The following GABRR3 variants were observed in gnomAD, a reference collection of about 807,000 sequenced individuals.
GABRR3 encodes the protein gamma-aminobutyric acid type A receptor subunit rho3.
In GABRR3, 29 loss-of-function variants were observed where a neutral mutation model predicts 43.2. That is an observed-to-expected ratio of 0.67 (90% CI 0.50 to 0.92). The LOEUF (loss-of-function observed/expected upper bound fraction) is 0.92. GABRR3 is among the 40% of genes least tolerant of loss of function. The pLI, the probability that GABRR3 is intolerant of heterozygous loss-of-function variation, is 0.00. For synonymous variants in GABRR3, 206 were observed against 195.9 expected (o/e 1.05, Z -0.43); for missense variants, 576 against 572.3 (o/e 1.01, Z -0.07).
At chr3:97,986,728 A>G (rs770155478) in exon 10 of GABRR3, 1 of 1,580,724 alleles carries the variant, frequency 6.3e-7, no homozygotes, top group South Asian at 1.1e-5. Context: ...AAATATACAC[A>G]ATGGGGAATA....
At chr3:97,989,714 G>A (rs757054991) in intron 9 of GABRR3, among the ~76,000 whole-genome samples, 6 of 152,080 alleles carry the variant, frequency 3.9e-5, no homozygotes, top group East Asian at 1.9e-4. Flanking sequence ...TTTGGTGTCC[G>A]CATTGGTGTC....
At chr3:98,029,405 CA>C (rs2107251852) in intron 2 of GABRR3, among the ~76,000 whole-genome samples, 1 of 152,142 alleles carries the variant, frequency 6.6e-6, no homozygotes, top group South Asian at 2.1e-4. Flanking sequence ...TGAGTGGTCT[CA>C]GGGGGACTAA....
intron 2 of GABRR3, among the ~76,000 whole-genome samples, chr3:98,027,870 C>A (rs1184682484): frequency 6.6e-6 from 1 of 151,954 alleles, no homozygotes; most frequent in African/African-American, 2.4e-5. Flanking sequence ...TCCAGTGAAT[C>A]TAAATATACA....
chr3:97,995,912 T>C (rs1410332992), intron 8 of GABRR3, among the ~76,000 whole-genome samples: 1 of 152,260 alleles, frequency 6.6e-6, no homozygotes, highest in East Asian at 1.9e-4. Flanking sequence ...ACTACTGATG[T>C]TGCTACGCAT....
chr3:98,025,579 G>A (rs1429051735), exon 3 of GABRR3: 1 of 1,608,232 alleles, frequency 6.2e-7, no homozygotes. Context: ...CCAAATCCAG[G>A]TCTCATTGCG....
intron 7 of GABRR3, among the ~76,000 whole-genome samples, chr3:98,007,108 A>G (rs1200688611): frequency 1.3e-5 from 2 of 152,178 alleles, no homozygotes; most frequent in African/African-American, 2.4e-5. Flanking sequence ...AAATAAACGC[A>G]TAGTTCAGGT....
intron 8 of GABRR3, among the ~76,000 whole-genome samples, chr3:97,993,625 A>T (rs1459038345): frequency 6.6e-6 from 1 of 152,182 alleles, no homozygotes; most frequent in Non-Finnish European, 1.5e-5. Context: ...AGTTCCATTG[A>T]TTCTGAGTAT....
At chr3:98,017,658 G>A (rs1158965062) in exon 4 of GABRR3, 1 of 1,607,584 alleles carries the variant, frequency 6.2e-7, no homozygotes, top group Non-Finnish European at 8.5e-7. Flanking sequence ...AACTTACCAT[G>A]TTAGTCTCTG....
exon 1 of GABRR3, chr3:98,035,214 A>G (rs1384803284): frequency 1.9e-6 from 1 of 521,248 alleles, no homozygotes; most frequent in African/African-American, 1.9e-5. Context: ...ATTTGAGGAA[A>G]ACAAAGCAGA....
intron 9 of GABRR3, among the ~76,000 whole-genome samples, chr3:97,990,349 T>C (rs1427398160): frequency 7.1e-6 from 1 of 141,726 alleles, no homozygotes; most frequent in Admixed American, 7.0e-5. Flanking sequence ...AGACTTCTTC[T>C]TTTTTTTTTT....
intron 2 of GABRR3, among the ~76,000 whole-genome samples, chr3:98,028,050 T>C (rs1472048852): frequency 6.6e-6 from 1 of 152,118 alleles, no homozygotes; most frequent in Non-Finnish European, 1.5e-5. Context: ...AACTTTTTTA[T>C]TTTCTATAAT....
At chr3:98,022,007 A>G (rs1706954812) in intron 3 of GABRR3, among the ~76,000 whole-genome samples, 1 of 152,242 alleles carries the variant, frequency 6.6e-6, no homozygotes, top group Admixed American at 6.5e-5. Flanking sequence ...ACCCAAAGTT[A>G]GTTAATGATA....
chr3:98,016,045 T>C (rs968832587), intron 4 of GABRR3, among the ~76,000 whole-genome samples: 6 of 152,076 alleles, frequency 3.9e-5, no homozygotes, highest in African/African-American at 1.2e-4. Flanking sequence ...AGAGAGAGCA[T>C]GTGCAGGGGA....
chr3:98,031,860 C>T (rs1707090953), intron 2 of GABRR3, among the ~76,000 whole-genome samples: 1 of 152,162 alleles, frequency 6.6e-6, no homozygotes, highest in African/African-American at 2.4e-5. Context: ...CCACTCTCTT[C>T]TGTCTTGCTT....
chr3:98,009,163 G>C (rs1267218180), intron 5 of GABRR3, 125 bp from the exon 6 acceptor site: 4 of 609,872 alleles, frequency 6.6e-6, no homozygotes, highest in Non-Finnish European at 8.8e-6. Flanking sequence ...ATGCAAAACA[G>C]GCAGTATTAT....
intron 5 of GABRR3, 100 bp downstream of exon 5, chr3:98,012,244 G>T: frequency 1.2e-6 from 1 of 821,176 alleles, no homozygotes; most frequent in East Asian, 2.6e-5. Context: ...GCATTAAACA[G>T]ACAGCAACAT....
At chr3:98,034,322 G>T (rs544668638) in intron 2 of GABRR3, among the ~76,000 whole-genome samples, 34 of 152,166 alleles carry the variant, frequency 2.2e-4, no homozygotes, top group Non-Finnish European at 4.3e-4. Context: ...GTCCAAACAT[G>T]CTCCTGATTA....
chr3:98,033,751 C>T (rs752068568), intron 2 of GABRR3, among the ~76,000 whole-genome samples: 1 of 152,108 alleles, frequency 6.6e-6, no homozygotes, highest in Non-Finnish European at 1.5e-5. Flanking sequence ...TAGCTAATTG[C>T]TATGACGAAG....
intron 7 of GABRR3, among the ~76,000 whole-genome samples, chr3:98,002,987 T>C (rs1223328492): frequency 1.3e-5 from 2 of 152,186 alleles, no homozygotes; most frequent in Non-Finnish European, 2.9e-5. Context: ...CTATTCTCAA[T>C]GAAATACTCA....
Sources: allele counts gnomAD v4.1 joint callset (sites outside exome capture counted in the v4.1 genomes callset), GRCh38; gene constraint gnomAD v4.1.1; transcripts MANE v1.5; gene names NCBI Gene and HGNC (gene_info 2026-07-23, HGNC 2026-07-21).